The following LINGO2 variants were observed in gnomAD, a reference collection of about 807,000 sequenced individuals.
LINGO2 encodes leucine rich repeat and Ig domain containing 2.
Under a neutral mutation model 30.6 loss-of-function variants are expected in LINGO2, and 14 were observed. That is an observed-to-expected ratio of 0.46 (90% CI 0.30 to 0.72). The LOEUF (loss-of-function observed/expected upper bound fraction) is 0.72, where lower values mean the gene tolerates loss of function less well. LINGO2 is among the 30% of genes least tolerant of loss of function. LINGO2 has a pLI of 0.07. For missense variants in LINGO2, 729 were observed against 751.7 expected (o/e 0.97, Z 0.35); for synonymous variants, 317 against 288.5 (o/e 1.10, Z -1.00).
intron 1 of LINGO2, among the ~76,000 whole-genome samples, chr9:28,629,431 C>G (rs994515742): frequency 1.3e-5 from 2 of 152,032 alleles, no homozygotes; most frequent in African/African-American, 4.8e-5. Flanking sequence ...CCCCCAAAAA[C>G]TTAATGTTAG....
the LINGO2 span, among the ~76,000 whole-genome samples, chr9:28,780,508 G>T: frequency 1.3e-5 from 2 of 152,092 alleles, no homozygotes; most frequent in African/African-American, 4.8e-5. Context: ...AAAACAAAAT[G>T]ACTTCATGTC....
the LINGO2 span, among the ~76,000 whole-genome samples, chr9:29,077,230 T>C: frequency 0.43 from 64,699 of 151,686 alleles, 15,531 homozygotes; most frequent in Non-Finnish European, 0.54. Flanking sequence ...AGATAATAAA[T>C]TGACTTCATG....
At chr9:28,949,140 C>T in the LINGO2 span, among the ~76,000 whole-genome samples, 6 of 151,944 alleles carry the variant, frequency 3.9e-5, no homozygotes, top group South Asian at 2.1e-4. Context: ...CATTAAATGC[C>T]GACAGGAGAA....
intron 4 of LINGO2, among the ~76,000 whole-genome samples, chr9:28,144,390 G>C (rs1348331155): frequency 6.6e-6 from 1 of 152,038 alleles, no homozygotes; most frequent in Non-Finnish European, 1.5e-5. Flanking sequence ...CTAACCCATT[G>C]AATAAAAATC....
chr9:28,053,731 G>A (rs2133076594), intron 4 of LINGO2, among the ~76,000 whole-genome samples: 1 of 152,196 alleles, frequency 6.6e-6, no homozygotes. Flanking sequence ...ATTGGAACTG[G>A]ATATGGGTAT....
the LINGO2 span, among the ~76,000 whole-genome samples, chr9:28,756,614 C>T: frequency 6.6e-6 from 1 of 151,948 alleles, no homozygotes; most frequent in Non-Finnish European, 1.5e-5. Flanking sequence ...ATGATCCCCA[C>T]ATGTCAAGGG....
chr9:28,816,792 C>T, the LINGO2 span, among the ~76,000 whole-genome samples: 1 of 152,080 alleles, frequency 6.6e-6, no homozygotes, highest in African/African-American at 2.4e-5. Flanking sequence ...ATAAATACTA[C>T]CCCTTGATCT....
chr9:28,834,706 GA>G, the LINGO2 span, among the ~76,000 whole-genome samples: 1 of 152,118 alleles, frequency 6.6e-6, no homozygotes, highest in African/African-American at 2.4e-5. Flanking sequence ...AACTGGTCTT[GA>G]AGATTTTAAT....
At chr9:28,688,631 T>TC in the LINGO2 span, among the ~76,000 whole-genome samples, 1 of 152,140 alleles carries the variant, frequency 6.6e-6, no homozygotes, top group Non-Finnish European at 1.5e-5. Context: ...AAAAATAAAC[T>TC]CGTTTAAACA....
chr9:28,466,538 T>G (rs1432807985), intron 2 of LINGO2, among the ~76,000 whole-genome samples: 4 of 152,146 alleles, frequency 2.6e-5, no homozygotes. Flanking sequence ...TGATAGCACA[T>G]CAGTGTCACT....
chr9:29,088,007 A>G, the LINGO2 span, among the ~76,000 whole-genome samples: 1 of 152,144 alleles, frequency 6.6e-6, no homozygotes, highest in Non-Finnish European at 1.5e-5. Flanking sequence ...TAAATATATT[A>G]TCAATACTTC....
At chr9:29,174,842 T>C in the LINGO2 span, among the ~76,000 whole-genome samples, 1 of 152,174 alleles carries the variant, frequency 6.6e-6, no homozygotes, top group African/African-American at 2.4e-5. Flanking sequence ...AAAGAAAAAT[T>C]TGTTGGATAA....
At chr9:28,887,606 A>G in the LINGO2 span, among the ~76,000 whole-genome samples, 1 of 152,148 alleles carries the variant, frequency 6.6e-6, no homozygotes, top group Non-Finnish European at 1.5e-5. Flanking sequence ...GCTACTGGAA[A>G]TAAAATACAG....
At chr9:28,634,779 C>T (rs1044216593) in intron 1 of LINGO2, among the ~76,000 whole-genome samples, 2 of 152,148 alleles carry the variant, frequency 1.3e-5, no homozygotes, top group Non-Finnish European at 2.9e-5. Context: ...AGCCACCGCA[C>T]CCGGCCTCCC....
At chr9:28,207,806 G>A (rs1216615199) in intron 4 of LINGO2, among the ~76,000 whole-genome samples, 1 of 152,076 alleles carries the variant, frequency 6.6e-6, no homozygotes, top group Non-Finnish European at 1.5e-5. Flanking sequence ...AATTAGCTAT[G>A]TTTAATTCCA....
chr9:28,924,831 T>C, the LINGO2 span, among the ~76,000 whole-genome samples: 1 of 152,252 alleles, frequency 6.6e-6, no homozygotes, highest in African/African-American at 2.4e-5. Context: ...CTTGATGAAG[T>C]GACCTCTTTA....
Position 27,958,274 on chromosome 9 carries a change from A to AC in LINGO2, c.-35-7569dup, listed in dbSNP as rs376416731. The stretch of plus-strand genomic sequence containing the variant: ...TGATTAATTTTTGAAGATTAAACCA[A>AC]CCTCACACTTCTGGGATAAACCTTA... On this transcript the variant is annotated intron_variant, in intron 5 of 5. Coordinates refer to ENST00000379992, the Ensembl canonical transcript of LINGO2. Among the ~76,000 whole-genome samples, 49 of 152,258 alleles carry AC rather than the reference A, an allele frequency of 3.2e-4. No homozygotes were observed. The East Asian group carries it at 6.4e-3, about 20-fold the overall frequency.
At chr9:28,967,451 C>G in the LINGO2 span, among the ~76,000 whole-genome samples, 7 of 152,096 alleles carry the variant, frequency 4.6e-5, no homozygotes, top group African/African-American at 1.7e-4. Flanking sequence ...AACCTTGAAT[C>G]ATTTCTGGTA....
At chr9:28,062,492 T>C (rs1160627107) in intron 4 of LINGO2, among the ~76,000 whole-genome samples, 1 of 146,514 alleles carries the variant, frequency 6.8e-6, no homozygotes, top group Non-Finnish European at 1.5e-5. Context: ...TATATACATA[T>C]ATACTATACA....
Sources: allele counts gnomAD v4.1 joint callset (sites outside exome capture counted in the v4.1 genomes callset), GRCh38; gene constraint gnomAD v4.1.1; transcripts MANE v1.5; gene names NCBI Gene and HGNC (gene_info 2026-07-23, HGNC 2026-07-21).